Variants in TYR observed in about 807,000 individuals in gnomAD.
TYR encodes tyrosinase.
In TYR, 58 loss-of-function variants were observed where a neutral mutation model predicts 51.5. The ratio of observed to expected loss-of-function variants is 1.13; its 90% CI spans 0.91 to 1.40. The LOEUF (loss-of-function observed/expected upper bound fraction) is 1.40, where lower values mean the gene tolerates loss of function less well. Among genes scored for constraint, TYR ranks in the 40% most tolerant of loss-of-function variants. The pLI is 0.00. For missense variants in TYR, 732 were observed against 647.4 expected (o/e 1.13, Z -1.42); for synonymous variants, 263 against 235.2 (o/e 1.12, Z -1.08).
chr11:89,195,799 T>C lies in TYR; in HGVS notation c.1036+4381T>C, dbSNP rs114224665. Among the ~76,000 whole-genome samples, 768 of 152,316 alleles carry C rather than the reference T, an allele frequency of 5.0e-3. 5 individuals are homozygous for C. Among genetic ancestry groups the C allele is most frequent in the African/African-American group, 0.017 (723 of 41,582 alleles). On this transcript the variant is annotated intron_variant, in intron 2 of 4. Transcript: ENST00000263321. ...AATAGGGGACCCTGTGCAGTGTCAG[T>C]TGTCACATTAAAACAGAAATTTTCT...
intron 2 of TYR, among the ~76,000 whole-genome samples, chr11:89,208,823 G>A (rs978614369): frequency 2.0e-5 from 3 of 152,074 alleles, no homozygotes; most frequent in African/African-American, 7.2e-5. Flanking sequence ...ATTAGCAATT[G>A]CTTATTTTTG....
At chr11:89,220,174 T>C (rs1383387550) in intron 2 of TYR, among the ~76,000 whole-genome samples, 1 of 152,074 alleles carries the variant, frequency 6.6e-6, no homozygotes, top group Non-Finnish European at 1.5e-5. Context: ...TTACTCACAG[T>C]TCTGTAGGCC....
At chr11:89,190,647 T>C (rs924053129) in intron 1 of TYR, among the ~76,000 whole-genome samples, 5 of 152,070 alleles carry the variant, frequency 3.3e-5, no homozygotes, top group Admixed American at 1.3e-4. Flanking sequence ...CCGATATATA[T>C]ATAGTGTTTA....
chr11:89,246,457 C>A (rs1397912863), intron 3 of TYR, among the ~76,000 whole-genome samples: 1 of 152,146 alleles, frequency 6.6e-6, no homozygotes, highest in African/African-American at 2.4e-5. Context: ...AAAAAATATT[C>A]AATGCTTTTG....
chr11:89,180,810 C>G (rs1454428238), intron 1 of TYR, among the ~76,000 whole-genome samples: 3 of 152,070 alleles, frequency 2.0e-5, no homozygotes, highest in African/African-American at 7.2e-5. Context: ...ACAGTCAAAC[C>G]CCACTCACAT....
Position 89,178,511 on chromosome 11 carries a change from T to C in TYR, c.558T>C (p.Asp186=), listed in dbSNP as rs567675753. The C allele has an allele frequency of 6.2e-7, 1 of 1,614,206 alleles. No homozygotes were observed. The highest frequency in any genetic ancestry group is 1.1e-5 in the South Asian group (1 of 91,090). Reference sequence around the variant, plus strand: ...GGATGCATTATTATGTGTCAATGGATGCACTGCTTGGGGGATCTGAAATCT... The same window carrying C: ...GGATGCATTATTATGTGTCAATGGACGCACTGCTTGGGGGATCTGAAATCT... ...FVWMHYYVSM[D]ALLGGSEIWR... The change falls in exon 1 of 5, where the codon GAT becomes GAC. Residue 186 remains aspartate (D), a synonymous_variant. Coordinates refer to ENST00000263321, the MANE Select transcript of TYR (RefSeq NM_000372.5).
intron 3 of TYR, among the ~76,000 whole-genome samples, chr11:89,282,570 T>A (rs763180790): frequency 5.3e-5 from 8 of 151,796 alleles, no homozygotes; most frequent in Non-Finnish European, 1.0e-4. Context: ...CTATTTTACA[T>A]AACAAACAAG....
At chr11:89,242,711 G>A (rs187481542) in intron 3 of TYR, among the ~76,000 whole-genome samples, 1 of 152,122 alleles carries the variant, frequency 6.6e-6, no homozygotes, top group Non-Finnish European at 1.5e-5. Context: ...TTTAGAATCT[G>A]TTAATTAGTA....
intron 2 of TYR, among the ~76,000 whole-genome samples, chr11:89,216,457 G>C (rs892604065): frequency 2.6e-5 from 4 of 151,680 alleles, no homozygotes; most frequent in Non-Finnish European, 5.9e-5. Flanking sequence ...TTTGACACGA[G>C]CCCAGGCAAC....
chr11:89,258,003 T>G (rs1944414579), intron 3 of TYR, among the ~76,000 whole-genome samples: 1 of 152,052 alleles, frequency 6.6e-6, no homozygotes, highest in Non-Finnish European at 1.5e-5. Flanking sequence ...ATCATGTTCT[T>G]CATAAAACTT....
At chr11:89,282,185 G>A (rs1255755113) in intron 3 of TYR, among the ~76,000 whole-genome samples, 1 of 151,634 alleles carries the variant, frequency 6.6e-6, no homozygotes, top group Non-Finnish European at 1.5e-5. Flanking sequence ...TTATTTCATG[G>A]CAGAAACAAG....
intron 3 of TYR, among the ~76,000 whole-genome samples, chr11:89,275,710 A>G (rs868835483): frequency 2.0e-4 from 31 of 151,988 alleles, no homozygotes; most frequent in African/African-American, 7.5e-4. Flanking sequence ...AATGTACAGA[A>G]AAAGAAAAAT....
In TYR at chr11:89,242,574, T is replaced by C. The variant is rs114609581; in HGVS notation, c.1184+14604T>C. On this transcript the variant is annotated intron_variant, in intron 3 of 4. Coordinates refer to ENST00000263321, the MANE Select transcript of TYR (RefSeq NM_000372.5). The stretch of plus-strand genomic sequence containing the variant: ...AAGGACTTTGGTGAAGGTGGTCATT[T>C]GGATCTTGGAGATAAACTAGAGAGC... 3.6e-3 allele frequency among the ~76,000 whole-genome samples: 547 copies of C among 152,304 alleles called. 5 individuals are homozygous for C. The highest frequency in any genetic ancestry group is 0.012 in the African/African-American group (512 of 41,572).
chr11:89,237,611 C>T (rs549425991), intron 3 of TYR, among the ~76,000 whole-genome samples: 1 of 152,152 alleles, frequency 6.6e-6, no homozygotes, highest in South Asian at 2.1e-4. Context: ...GTATATTTTG[C>T]AGTCAGATAC....
At chr11:89,261,867 GA>G (rs1944460693) in intron 3 of TYR, among the ~76,000 whole-genome samples, 1 of 150,430 alleles carries the variant, frequency 6.6e-6, no homozygotes, top group African/African-American at 2.4e-5. Flanking sequence ...AACCACAATG[GA>G]AAAAAAATAG....
At position 89,178,737 on chromosome 11, in the gene TYR, T is replaced by C; in HGVS notation, c.784T>C (p.Leu262=). The change falls in exon 1 of 5, where the codon TTA becomes CTA. Residue 262 remains leucine (L), a synonymous_variant. Coordinates refer to ENST00000263321, the MANE Select transcript of TYR (RefSeq NM_000372.5). The stretch of plus-strand genomic sequence containing the variant: ...AGGTCAGCACCCCACAAATCCTAAC[T>C]TACTCAGCCCAGCATCATTCTTCTC... The part of the protein sequence containing the change: ...MGGQHPTNPN[L]LSPASFFSSW... 6.2e-7 allele frequency: 1 copy of C among 1,614,122 alleles called. No homozygotes were observed. The highest frequency in any genetic ancestry group is 8.5e-7 in the Non-Finnish European group (1 of 1,180,004).
At chr11:89,294,458 C>A (rs1397965831) in intron 4 of TYR, among the ~76,000 whole-genome samples, 9 of 152,170 alleles carry the variant, frequency 5.9e-5, no homozygotes, top group Admixed American at 5.9e-4. Context: ...CAGGCCCCTG[C>A]CCTCCAGCAG....
At chr11:89,226,765 G>A (rs1943982739) in intron 2 of TYR, among the ~76,000 whole-genome samples, 1 of 151,902 alleles carries the variant, frequency 6.6e-6, no homozygotes, top group South Asian at 2.1e-4. Flanking sequence ...TTGTAACTCT[G>A]GTTTACATTA....
chr11:89,184,113 T>A (rs539753944), intron 1 of TYR, among the ~76,000 whole-genome samples: 2 of 152,122 alleles, frequency 1.3e-5, no homozygotes, highest in Non-Finnish European at 2.9e-5. Context: ...CCTCCTCTCC[T>A]GTATGCAGTG....
Sources: gnomAD v4.1 joint callset for allele counts (sites outside exome capture counted in the v4.1 genomes callset) on GRCh38, gnomAD v4.1.1 for gene constraint, MANE v1.5 for transcripts, NCBI Gene and HGNC (gene_info 2026-07-23, HGNC 2026-07-21) for gene names.